PPP1R12B: variants seen among roughly 807,000 people sequenced by gnomAD.
PPP1R12B encodes protein phosphatase 1 regulatory subunit 12B, also known as myosin phosphatase target subunit 2.
In PPP1R12B, 76 loss-of-function variants were observed where a neutral mutation model predicts 126.1. That is an observed-to-expected ratio of 0.60 (90% CI 0.50 to 0.73). The LOEUF (loss-of-function observed/expected upper bound fraction) is 0.73, where lower values mean the gene tolerates loss of function less well. Among genes scored for constraint, PPP1R12B ranks in the 30% least tolerant of loss-of-function variants. The pLI is 0.00. For synonymous variants in PPP1R12B, 356 were observed against 434.7 expected, an observed-to-expected ratio of 0.82 and a Z score of 2.25; for missense variants, 1,052 against 1,205.1, an observed-to-expected ratio of 0.87 and a Z score of 1.88.
chr1:202,404,076 A>G (rs1666231060), intron 1 of PPP1R12B, among the ~76,000 whole-genome samples: 3 of 152,110 alleles, frequency 2.0e-5, no homozygotes, highest in Admixed American at 1.3e-4. Flanking sequence ...TCCTACTGCA[A>G]TTATCATTCT....
At position 202,422,883 on chromosome 1, in the gene PPP1R12B, G is replaced by T. The variant is rs1668991209; in HGVS notation, c.541+145G>T. On this transcript the variant is annotated intron_variant, in intron 3 of 23. Transcript: ENST00000608999. Reference sequence around the variant, plus strand: ...CTGCACTGCATTAATCATTAATCCAGCATCATGTATCCTCATAATAACTCA... The same window carrying T: ...CTGCACTGCATTAATCATTAATCCATCATCATGTATCCTCATAATAACTCA... The T allele has an allele frequency of 3.4e-6, 4 of 1,169,748 alleles. No homozygotes were observed. The African/African-American group carries it at 4.7e-5, about 14-fold the overall frequency. The allele number at this position is 1,169,748 out of a possible 1,614,324, so 72.5% of individuals were successfully genotyped here. A position where few individuals can be genotyped will look rare whatever the true frequency, so the allele number is the denominator to read the frequency against.
At chr1:202,446,896 AT>A (rs1216072514) in intron 12 of PPP1R12B, among the ~76,000 whole-genome samples, 2 of 151,988 alleles carry the variant, frequency 1.3e-5, no homozygotes, top group Non-Finnish European at 2.9e-5. Context: ...CATGGCTGCC[AT>A]TTCCATGGGT....
intron 23 of PPP1R12B, chr1:202,576,486 A>G (rs1356845840): frequency 1.3e-5 from 2 of 152,228 alleles, no homozygotes; most frequent in African/African-American, 4.8e-5. Context: ...CTGAGCTAAT[A>G]TCCTGCTGTA....
At chr1:202,457,987 G>T (rs1367591377) in intron 13 of PPP1R12B, among the ~76,000 whole-genome samples, 2 of 152,134 alleles carry the variant, frequency 1.3e-5, no homozygotes, top group Non-Finnish European at 2.9e-5. Flanking sequence ...TGGGAACAAT[G>T]GATTAAACAA....
chr1:202,541,906 G>C (rs1198102132), intron 18 of PPP1R12B, among the ~76,000 whole-genome samples: 1 of 152,318 alleles, frequency 6.6e-6, no homozygotes, highest in South Asian at 2.1e-4. Context: ...CTAAAACACA[G>C]ATGGCTTAAT....
chr1:202,376,227 T>A (rs565492219), intron 1 of PPP1R12B, among the ~76,000 whole-genome samples: 18 of 152,348 alleles, frequency 1.2e-4, no homozygotes, highest in African/African-American at 4.1e-4. Context: ...GGTTTTTTTT[T>A]ATTAGTTAAA....
rs1689792659 is a variant in PPP1R12B, at chr1:202,586,044, A to T, written c.*5484A>T. On this transcript the variant is annotated 3_prime_UTR_variant, in exon 24 of 24. Coordinates refer to ENST00000608999, the MANE Select transcript of PPP1R12B (RefSeq NM_002481.4). ...TACAGCAGCAAGAAAATTTTCCTCG[A>T]CAAGAACCTCAATCTTTAGTTCCAT... 1 of 152,228 alleles carries T rather than the reference A, an allele frequency of 6.6e-6. No homozygotes were observed. Among genetic ancestry groups the T allele is most frequent in the Non-Finnish European group, 1.5e-5 (1 of 68,040 alleles). 9.4% of individuals were successfully genotyped at this position (152,228 alleles called of 1,614,324 possible).
rs1229327285 is a variant in PPP1R12B, at chr1:202,496,769, T to C, written c.2449-12T>C. 6.2e-7 allele frequency: 1 copy of C among 1,609,974 alleles called. No individual in the cohort carries two copies. Among genetic ancestry groups the C allele is most frequent in the South Asian group, 1.1e-5 (1 of 90,892 alleles). On this transcript the variant is annotated splice_polypyrimidine_tract_variant and intron_variant, in intron 17 of 23. Transcript: ENST00000608999. ...AATGAGCCTCTTGATTTTCTTCCCT[T>C]TTCTTTTTTAGGAGGATGAAACTGA...
In PPP1R12B at chr1:202,422,734, G is replaced by A. The variant is rs1225364608; in HGVS notation, c.537G>A (p.Lys179=). The stretch of plus-strand genomic sequence containing the variant: ...ATCTTCTTCTGGAGCAAGTAAAGAA[G>A]CAAGGTAACCTCATGGATTGGAGGG... ...MKDLLLEQVK[K]QGVDLEQSRK... The change falls in exon 3 of 24, where the codon AAG becomes AAA. Residue 179 remains lysine, a synonymous_variant. Coordinates refer to ENST00000608999, the MANE Select transcript of PPP1R12B (RefSeq NM_002481.4). The A allele has an allele frequency of 2.5e-6, 4 of 1,613,658 alleles. No homozygotes were observed. The highest frequency in any genetic ancestry group is 3.4e-6 in the Non-Finnish European group (4 of 1,179,712).
chr1:202,524,649 A>C (rs1051155694), intron 18 of PPP1R12B, among the ~76,000 whole-genome samples: 3 of 152,130 alleles, frequency 2.0e-5, no homozygotes, highest in African/African-American at 7.2e-5. Flanking sequence ...CTTCACTTAG[A>C]ATAATGGTCT....
At position 202,570,304 on chromosome 1, in the gene PPP1R12B, GA is replaced by G. The variant is rs796620675; in HGVS notation, c.2862+1119del. Among the ~76,000 whole-genome samples the G allele has an allele frequency of 1.5e-3, 207 of 141,356 alleles. 2 individuals carry two copies. Among genetic ancestry groups the G allele is most frequent in the African/African-American group, 4.5e-3 (173 of 38,652 alleles). 92.7% of individuals were successfully genotyped at this position (141,356 alleles called of 152,430 possible). A position where few individuals can be genotyped will look rare whatever the true frequency, so the allele number is the denominator to read the frequency against. On this transcript the variant is annotated intron_variant, in intron 23 of 23. Transcript: ENST00000608999. ...GGCCTAAATAGATTGGTTATTTATT[GA>G]AAAAAAAAAAACTTTTTAAGACCTG...
chr1:202,503,591 G>A (rs1680459622), intron 18 of PPP1R12B, among the ~76,000 whole-genome samples: 2 of 152,150 alleles, frequency 1.3e-5, no homozygotes, highest in Admixed American at 1.3e-4. Context: ...AATGTAGACA[G>A]AGAAGAGGCC....
intron 20 of PPP1R12B, among the ~76,000 whole-genome samples, chr1:202,563,644 A>G (rs1687754745): frequency 6.6e-6 from 1 of 150,488 alleles, no homozygotes; most frequent in Non-Finnish European, 1.5e-5. Flanking sequence ...AAAAAAAAAA[A>G]GAAAAGAAAA....
chr1:202,469,983 A>G (rs1278990645), intron 13 of PPP1R12B, among the ~76,000 whole-genome samples: 1 of 152,190 alleles, frequency 6.6e-6, no homozygotes, highest in African/African-American at 2.4e-5. Flanking sequence ...GATTTCAATA[A>G]AGGTTAAGAA....
intron 5 of PPP1R12B, 61 bp from the exon 6 acceptor site, chr1:202,428,794 T>TA: frequency 6.7e-7 from 1 of 1,499,364 alleles, no homozygotes; most frequent in East Asian, 2.3e-5. Flanking sequence ...TCCCTACTAA[T>TA]AAAGTCACGT....
intron 18 of PPP1R12B, among the ~76,000 whole-genome samples, chr1:202,537,431 T>G (rs141001933): frequency 6.6e-6 from 1 of 152,236 alleles, no homozygotes; most frequent in Admixed American, 6.5e-5. Context: ...CAACCACCAT[T>G]GTATGTGTGG....
chr1:202,485,137 G>T (rs978339823), intron 13 of PPP1R12B, among the ~76,000 whole-genome samples: 1 of 152,128 alleles, frequency 6.6e-6, no homozygotes, highest in Non-Finnish European at 1.5e-5. Context: ...CAGCAGTTAG[G>T]CAGTTTCCCC....
intron 18 of PPP1R12B, among the ~76,000 whole-genome samples, chr1:202,550,810 A>G (rs1484975386): frequency 6.6e-6 from 1 of 152,250 alleles, no homozygotes; most frequent in Admixed American, 6.5e-5. Context: ...AAATGCATTT[A>G]TGAATCACAA....
chr1:202,348,711 G>T lies in PPP1R12B; in HGVS notation c.-141G>T. On this transcript the variant is annotated 5_prime_UTR_variant, in exon 1 of 24. Transcript: ENST00000608999. The stretch of plus-strand genomic sequence containing the variant: ...GGAGCGTGCGGGCGGTACTACTGGC[G>T]GGAGGAGTAAAGATGGCGGCGCGAG... The T allele has an allele frequency of 9.2e-7, 1 of 1,090,388 alleles. No individual in the cohort carries two copies. Among genetic ancestry groups the T allele is most frequent in the Non-Finnish European group, 1.3e-6 (1 of 776,838 alleles). The allele number at this position is 1,090,388 out of a possible 1,614,324, so 67.5% of individuals were successfully genotyped here. A position where few individuals can be genotyped will look rare whatever the true frequency, so the allele number is the denominator to read the frequency against.
Sources: gnomAD v4.1 joint callset for allele counts (sites outside exome capture counted in the v4.1 genomes callset) on GRCh38, gnomAD v4.1.1 for gene constraint, MANE v1.5 for transcripts, NCBI Gene and HGNC (gene_info 2026-07-23, HGNC 2026-07-21) for gene names.